Variants in DPF3 observed in about 807,000 individuals in gnomAD.
The protein encoded by DPF3 is double PHD fingers 3.
Under a neutral mutation model 56.8 loss-of-function variants are expected in DPF3, and 18 were observed. The ratio of observed to expected loss-of-function variants is 0.32; its 90% CI spans 0.22 to 0.47. The LOEUF is 0.47. Ranked by LOEUF, DPF3 falls within the 20% of genes least tolerant of loss-of-function variation. The pLI is 1.00. For synonymous variants in DPF3, 188 were observed against 180.2 expected, an observed-to-expected ratio of 1.04 and a Z score of -0.35; for missense variants, 403 against 488.8, an observed-to-expected ratio of 0.82 and a Z score of 1.65.
In DPF3 at chr14:72,693,260, C is replaced by T. The variant is rs759989906; in HGVS notation, c.605-47G>A. On this transcript the variant is annotated intron_variant, in intron 6 of 10. Transcript: ENST00000556509. ...AAGGGAGAGATACAAATATTAGCAA[C>T]CTGTGCAGCCACCGCTATCATTCTC... The T allele has an allele frequency of 6.3e-6, 10 of 1,592,094 alleles. No homozygotes were observed. In the South Asian group the frequency reaches 1.1e-4, roughly 18 times the overall value.
At chr14:72,696,562 ACCATTTTGTGGGAAGG>A (rs1277338040) in intron 6 of DPF3, among the ~76,000 whole-genome samples, 1 of 152,206 alleles carries the variant, frequency 6.6e-6, no homozygotes, top group African/African-American at 2.4e-5. Context: ...TGAATACAGA[ACCATTTTGTGGGAAGG>A]CCAGGAGATG....
At chr14:72,771,682 T>C in intron 2 of DPF3, 51 bp downstream of exon 2, 1 of 1,564,476 alleles carries the variant, frequency 6.4e-7, no homozygotes, top group Non-Finnish European at 8.6e-7. Flanking sequence ...TCCTCCTCCC[T>C]CCAGGCTGGG....
In DPF3 at chr14:72,613,679, A is replaced by T. The variant is rs1479353894; in HGVS notation, c.*5618T>A. ...GTTCCCAGGAACCCACTCACTTCCA[A>T]ATCTTTCCCCTCATGCAGGGAGTTC... On this transcript the variant is annotated 3_prime_UTR_variant, in exon 11 of 11. Transcript: ENST00000556509. Among the ~76,000 whole-genome samples, 1 of 152,168 alleles carries T rather than the reference A, an allele frequency of 6.6e-6. No homozygotes were observed. The highest frequency in any genetic ancestry group is 2.4e-5 in the African/African-American group (1 of 41,428).
intron 5 of DPF3, among the ~76,000 whole-genome samples, chr14:72,715,532 G>C (rs1008471189): frequency 6.6e-6 from 1 of 151,980 alleles, no homozygotes; most frequent in Admixed American, 6.6e-5. Flanking sequence ...AGCAGCCTGG[G>C]GTGCAGGGGA....
intron 1 of DPF3, among the ~76,000 whole-genome samples, chr14:72,857,449 A>G (rs534678605): frequency 6.6e-6 from 1 of 152,338 alleles, no homozygotes; most frequent in South Asian, 2.1e-4. Flanking sequence ...TTGAGTTTCA[A>G]TTGATAATCC....
intron 6 of DPF3, 73 bp from the exon 7 acceptor site, chr14:72,693,286 C>T: frequency 5.3e-6 from 8 of 1,515,902 alleles, no homozygotes; most frequent in South Asian, 3.7e-5. Context: ...TATCATTCTC[C>T]CAGACAGTGA....
intron 7 of DPF3, among the ~76,000 whole-genome samples, chr14:72,680,115 C>T (rs191839613): frequency 5.5e-4 from 83 of 152,262 alleles, no homozygotes; most frequent in Middle Eastern, 3.4e-3. Flanking sequence ...TTAAAAGTGG[C>T]GTGATAGAGA....
chr14:72,883,071 T>C (rs768191345), intron 1 of DPF3, among the ~76,000 whole-genome samples: 22 of 152,228 alleles, frequency 1.4e-4, no homozygotes, highest in Non-Finnish European at 2.4e-4. Flanking sequence ...GTTCTCGTTG[T>C]GCTCAACTGG....
chr14:72,864,521 A>C (rs1200146853), intron 1 of DPF3, among the ~76,000 whole-genome samples: 1 of 152,210 alleles, frequency 6.6e-6, no homozygotes, highest in Non-Finnish European at 1.5e-5. Context: ...ACAAATTAAT[A>C]AAAAATGCCT....
chr14:72,620,051 C>T (rs978965495), intron 9 of DPF3, 67 bp from the exon 10 acceptor site: 37 of 1,428,402 alleles, frequency 2.6e-5, no homozygotes, highest in East Asian at 1.3e-4. Context: ...GTCTGGCCCC[C>T]GCTTACCCAT....
rs8006208 is a variant in DPF3 at position 72,611,991 on chromosome 14, C to T, written c.*7306G>A. On this transcript the variant is annotated 3_prime_UTR_variant, in exon 11 of 11. Coordinates refer to ENST00000556509, the MANE Select transcript of DPF3 (RefSeq NM_001280542.3). ...GCAACTTGAAGGCTAGGCCAGCATG[C>T]GGTTTATTTTCCAGCCCCTACAGGA... is the stretch of plus-strand genomic sequence containing the variant. Among the ~76,000 whole-genome samples, 1 of 152,188 alleles carries T rather than the reference C, an allele frequency of 6.6e-6. No homozygotes were observed. Among genetic ancestry groups the T allele is most frequent in the Admixed American group, 6.5e-5 (1 of 15,278 alleles).
intron 3 of DPF3, chr14:72,742,716 A>T (rs1348823580): frequency 2.6e-5 from 4 of 152,332 alleles, no homozygotes; most frequent in Non-Finnish European, 5.9e-5. Context: ...AAGCCTGGAG[A>T]CTATTAAAAT....
chr14:72,652,797 A>C (rs1408860586), intron 8 of DPF3, among the ~76,000 whole-genome samples: 2 of 152,184 alleles, frequency 1.3e-5, no homozygotes, highest in Admixed American at 1.3e-4. Flanking sequence ...CCAGATCTAC[A>C]TAAATATTAC....
chr14:72,743,490 C>T (rs1245859851), intron 3 of DPF3, among the ~76,000 whole-genome samples: 1 of 151,664 alleles, frequency 6.6e-6, no homozygotes, highest in African/African-American at 2.4e-5. Context: ...CCATGGGGAC[C>T]GAAGGTCTGG....
intron 8 of DPF3, among the ~76,000 whole-genome samples, chr14:72,636,982 C>T (rs1046548504): frequency 2.0e-5 from 3 of 152,238 alleles, no homozygotes; most frequent in African/African-American, 7.2e-5. Flanking sequence ...AGCTCCACTC[C>T]TCTTAGAGGT....
chr14:72,739,737 A>T (rs1890051460), intron 3 of DPF3, among the ~76,000 whole-genome samples: 1 of 152,162 alleles, frequency 6.6e-6, no homozygotes, highest in Non-Finnish European at 1.5e-5. Context: ...TCGGGGGAAA[A>T]ATCATGGCAG....
intron 1 of DPF3, among the ~76,000 whole-genome samples, chr14:72,807,801 T>TAGGAAGACCCCAACATAGGAAG (rs1365020076): frequency 4.6e-5 from 7 of 152,144 alleles, no homozygotes; most frequent in Non-Finnish European, 1.0e-4. Flanking sequence ...ACCCCATCTC[T>TAGGAAGACCCCAACATAGGAAG]ACAACAAATT....
chr14:72,702,114 G>A (rs1888191122), intron 6 of DPF3, among the ~76,000 whole-genome samples: 1 of 152,158 alleles, frequency 6.6e-6, no homozygotes, highest in Non-Finnish European at 1.5e-5. Flanking sequence ...TGGTCTGTCT[G>A]CCCTTGAAGC....
At chr14:72,790,968 C>G (rs1457586752) in intron 1 of DPF3, among the ~76,000 whole-genome samples, 1 of 152,158 alleles carries the variant, frequency 6.6e-6, no homozygotes, top group African/African-American at 2.4e-5. Context: ...TCCTGGTGGT[C>G]TGGGTCAATG....
Sources: allele counts gnomAD v4.1 joint callset (sites outside exome capture counted in the v4.1 genomes callset), GRCh38; gene constraint gnomAD v4.1.1; transcripts MANE v1.5; gene names NCBI Gene and HGNC (gene_info 2026-07-23, HGNC 2026-07-21).